EXD3: variants seen among roughly 807,000 people sequenced by gnomAD.
The protein encoded by EXD3 is exonuclease mut-7 homolog.
Under a neutral mutation model 98.0 loss-of-function variants are expected in EXD3, and 92 were observed. The observed-to-expected ratio is 0.94, with a 90% CI of 0.79 to 1.12. The LOEUF is 1.12. EXD3 is among the 50% of genes most tolerant of loss of function. The probability of loss-of-function intolerance (pLI) is 0.00; values close to 1 mark genes in which losing one functional copy is unlikely to be tolerated. For missense variants in EXD3, 1,222 were observed against 1,191.6 expected (o/e 1.03, Z -0.38); for synonymous variants, 569 against 526.0 (o/e 1.08, Z -1.12).
rs1014818642 is a variant in EXD3 at position 137,407,806 on chromosome 9, G to A, written c.-47-12402C>T. On this transcript the variant is annotated intron_variant, in intron 1 of 21. Transcript: ENST00000340951. The surrounding 1 kb of genome is among the most constrained non-coding windows in gnomAD (Gnocchi z 4.4). The stretch of plus-strand genomic sequence containing the variant: ...AGGCATTCGAGGTCTTGGATGCGCC[G>A]GCTGGACCCAAGGACACACGCGGGA... 6.1e-5 allele frequency among the ~76,000 whole-genome samples: 9 copies of A among 147,000 alleles called. No individual in the cohort carries two copies. The highest frequency in any genetic ancestry group is 2.0e-4 in the Admixed American group (3 of 14,868).
chr9:137,317,088 G>A (rs1361411432), intron 19 of EXD3, among the ~76,000 whole-genome samples: 1 of 152,278 alleles, frequency 6.6e-6, no homozygotes, highest in Middle Eastern at 3.4e-3. Context: ...CGGGCCTGGA[G>A]GGGGTGGGAA....
At chr9:137,399,537 G>A (rs1837384132) in intron 1 of EXD3, among the ~76,000 whole-genome samples, 1 of 152,130 alleles carries the variant, frequency 6.6e-6, no homozygotes, top group African/African-American at 2.4e-5. Context: ...ACGAGTTCTG[G>A]TTTTCTGAAG....
intron 19 of EXD3, among the ~76,000 whole-genome samples, chr9:137,316,842 C>CG (rs1564465326): frequency 2.0e-5 from 3 of 152,200 alleles, no homozygotes; most frequent in Admixed American, 6.5e-5. Flanking sequence ...CTAGGTGTGA[C>CG]GGGCCTGCCT....
Position 137,373,489 on chromosome 9 carries a change from C to T in EXD3, c.231G>A (p.Ala77=), listed in dbSNP as rs747359521. 27 of 1,608,716 alleles carry T rather than the reference C, an allele frequency of 1.7e-5. No homozygotes were observed. The highest frequency in any genetic ancestry group is 2.0e-5 in the Non-Finnish European group (23 of 1,178,562). ...RGQRGEGPSL[A]AWISHQLQCW... is the part of the protein sequence containing the mutation. ...ACTGCAGCTGGTGGGAGATCCAGGC[C>T]GCCAGGGAGGGGCCCTCTCCCCGCT... The change falls in exon 4 of 22, where the codon GCG becomes GCA. Residue 77 remains alanine, a synonymous_variant. Transcript: ENST00000340951.
At chr9:137,322,022 G>A (rs1372767217) in intron 19 of EXD3, among the ~76,000 whole-genome samples, 1 of 152,310 alleles carries the variant, frequency 6.6e-6, no homozygotes, top group Non-Finnish European at 1.5e-5. Context: ...AGGAGAGGAG[G>A]GAGAGAGGTG....
In EXD3 at chr9:137,423,116, G is replaced by GCGGGGC. The variant is rs1838628829; in HGVS notation, c.-56_-51dup. ...CCGCGCGGCCCGGGGTCGCTCACCT[G>GCGGGGC]CGGGGCCGGGACCGCCCCACACCGT... On this transcript the variant is annotated 5_prime_UTR_variant, in exon 1 of 22. Transcript: ENST00000340951. 1 of 151,584 alleles carries GCGGGGC rather than the reference G, an allele frequency of 6.6e-6. No homozygotes were observed. Among genetic ancestry groups the GCGGGGC allele is most frequent in the Non-Finnish European group, 1.5e-5 (1 of 67,960 alleles). The allele number at this position is 151,584 out of a possible 1,614,324, so 9.4% of individuals were successfully genotyped here.
In EXD3 at chr9:137,372,196, C is replaced by T. The variant is rs369676625; in HGVS notation, c.462+709G>A. ...CCGGGACCGAAAGGGACCGAAGCCACCTCTCCCGCCAGCAGCCAGTGAAGG... is the reference window on the plus strand; with the variant it reads ...CCGGGACCGAAAGGGACCGAAGCCATCTCTCCCGCCAGCAGCCAGTGAAGG... On this transcript the variant is annotated intron_variant, in intron 5 of 21. Transcript: ENST00000340951. Among the ~76,000 whole-genome samples the T allele has an allele frequency of 5.6e-4, 85 of 152,356 alleles. No individual in the cohort carries two copies. In the East Asian group the frequency reaches 0.012, roughly 21 times the overall value.
At chr9:137,398,196 G>A (rs1283924550) in intron 1 of EXD3, among the ~76,000 whole-genome samples, 1 of 152,218 alleles carries the variant, frequency 6.6e-6, no homozygotes, top group East Asian at 1.9e-4. Flanking sequence ...AGAAGGAACT[G>A]TGGCTCCACG....
intron 9 of EXD3, 135 bp downstream of exon 9, chr9:137,354,565 A>C (rs951383298): frequency 1.3e-6 from 2 of 1,540,236 alleles, no homozygotes; most frequent in Non-Finnish European, 8.7e-7. Context: ...GGCCCAGCTC[A>C]CCCAGCTCTG....
chr9:137,327,371 G>A (rs1289714126), intron 17 of EXD3, among the ~76,000 whole-genome samples: 2 of 152,104 alleles, frequency 1.3e-5, no homozygotes, highest in Admixed American at 1.3e-4. Context: ...CTGACCTTGT[G>A]ATCCGCCCGC....
intron 3 of EXD3, among the ~76,000 whole-genome samples, chr9:137,379,857 TC>T (rs1358123742): frequency 1.3e-5 from 2 of 151,966 alleles, no homozygotes; most frequent in East Asian, 3.9e-4. Context: ...TTCTGCAAAA[TC>T]CTGGCCCTCC....
rs913381154 is a variant in EXD3, at chr9:137,407,027, G to C, written c.-47-11623C>G. 6.6e-5 allele frequency among the ~76,000 whole-genome samples: 10 copies of C among 152,204 alleles called. No homozygotes were observed. Among genetic ancestry groups the C allele is most frequent in the African/African-American group, 2.4e-4 (10 of 41,456 alleles). On this transcript the variant is annotated intron_variant, in intron 1 of 21. Transcript: ENST00000340951. The surrounding 1 kb of genome is among the most constrained non-coding windows in gnomAD (Gnocchi z 4.4). ...GCCCCGCATCTGCTGCACCCGGAGT[G>C]GTGGAGGCCAGAACGCTCGCCAGCA... is the stretch of plus-strand genomic sequence containing the variant.
chr9:137,386,419 TC>T (rs1356284124), intron 2 of EXD3, among the ~76,000 whole-genome samples: 1 of 152,040 alleles, frequency 6.6e-6, no homozygotes, highest in Non-Finnish European at 1.5e-5. Context: ...GTGTTGCTGG[TC>T]TTTGCCCTGC....
chr9:137,333,983 C>T (rs530073256), intron 17 of EXD3, among the ~76,000 whole-genome samples: 3 of 152,022 alleles, frequency 2.0e-5, no homozygotes, highest in African/African-American at 7.2e-5. Flanking sequence ...GCTGAGACTA[C>T]AGGCGCCCAC....
At chr9:137,374,607 C>T (rs539379455) in intron 3 of EXD3, 35 of 985,508 alleles carry the variant, frequency 3.6e-5, no homozygotes, top group Non-Finnish European at 3.9e-5. Flanking sequence ...GTGGAGCACA[C>T]GCACATGAGT....
intron 1 of EXD3, among the ~76,000 whole-genome samples, chr9:137,422,713 C>G (rs1838592326): frequency 6.6e-6 from 1 of 152,228 alleles, no homozygotes; most frequent in Non-Finnish European, 1.5e-5. Context: ...GGGAGGCGCC[C>G]GTCCCTTCTC....
intron 2 of EXD3, among the ~76,000 whole-genome samples, chr9:137,388,181 A>T (rs1836703861): frequency 6.6e-6 from 1 of 152,082 alleles, no homozygotes; most frequent in Non-Finnish European, 1.5e-5. Context: ...GCCCAGCACC[A>T]GAGCCTGGTG....
At chr9:137,391,214 G>A (rs902401176) in intron 2 of EXD3, among the ~76,000 whole-genome samples, 9 of 152,260 alleles carry the variant, frequency 5.9e-5, no homozygotes, top group South Asian at 4.1e-4. Context: ...GCACGTTCAC[G>A]GTGCATTACG....
intron 18 of EXD3, 101 bp downstream of exon 18, chr9:137,323,989 C>T (rs890801868): frequency 2.2e-5 from 33 of 1,526,164 alleles, no homozygotes; most frequent in South Asian, 1.7e-4. Flanking sequence ...CGCTGGGGGT[C>T]GGCCCCACGG....
Sources: gnomAD v4.1 joint callset for allele counts (sites outside exome capture counted in the v4.1 genomes callset) on GRCh38, gnomAD v4.1.1 for gene constraint, Gnocchi (gnomAD v3.1) non-coding constraint, MANE v1.5 for transcripts, NCBI Gene and HGNC (gene_info 2026-07-23, HGNC 2026-07-21) for gene names.